Variants in PCNX1 observed in about 807,000 individuals in gnomAD.
The protein encoded by PCNX1 is pecanex-like protein 1.
Under a neutral mutation model 242.2 loss-of-function variants are expected in PCNX1, and 78 were observed. That is an observed-to-expected ratio of 0.32 (90% confidence interval 0.27 to 0.39). PCNX1 has a LOEUF of 0.39. Ranked by LOEUF, PCNX1 falls within the 10% of genes least tolerant of loss-of-function variation. The probability of loss-of-function intolerance (pLI) is 1.00; values close to 1 mark genes in which losing one functional copy is unlikely to be tolerated. For missense variants in PCNX1, 2,581 were observed against 2,856.5 expected (o/e 0.90, Z 2.20); for synonymous variants, 1,024 against 1,032.9 (o/e 0.99, Z 0.17).
Position 71,103,631 on chromosome 14 carries a change from G to C in PCNX1, c.6057G>C (p.Leu2019Phe). 1 of 1,614,094 alleles carries C rather than the reference G, an allele frequency of 6.2e-7. No homozygotes were observed. Among genetic ancestry groups the C allele is most frequent in the Non-Finnish European group, 8.5e-7 (1 of 1,179,998 alleles). ...ACATTCTTGGGGGTCCTATCAGCTT[G>C]GGAAATATCAGGAACTTCATAGTGT... Reference protein sequence around the residue: ...LKDILGGPISLGNIRNFIVST... With the variant: ...LKDILGGPISFGNIRNFIVST... Residue 2019 changes from leucine to phenylalanine, a missense_variant, in exon 32 of 36, where the codon TTG becomes TTC. Transcript: ENST00000304743.
At chr14:71,002,725 G>T (rs1416777420) in intron 8 of PCNX1, among the ~76,000 whole-genome samples, 4 of 152,140 alleles carry the variant, frequency 2.6e-5, no homozygotes, top group Non-Finnish European at 5.9e-5. Context: ...GAATTCCATT[G>T]TATGAGCAGG....
chr14:71,055,609 T>C (rs377260272), intron 25 of PCNX1, 47 bp downstream of exon 25: 1 of 1,146,060 alleles, frequency 8.7e-7, no homozygotes, highest in Non-Finnish European at 1.3e-6. Flanking sequence ...AGGATTTGTT[T>C]TATATATATA....
rs1407541495 is a variant in PCNX1, at chr14:71,047,118, G to A, written c.4160+13G>A. 1 of 1,522,334 alleles carries A rather than the reference G, an allele frequency of 6.6e-7. No homozygotes were observed. The highest frequency in any genetic ancestry group is 1.4e-5 in the African/African-American group (1 of 72,360). 94.3% of individuals were successfully genotyped at this position (1,522,334 alleles called of 1,614,324 possible). ...AACTGAATACAGAGTAAGTATAGTA[G>A]TCTTCTAATATTGTCTGACTACTGG... is the stretch of plus-strand genomic sequence containing the variant. On this transcript the variant is annotated intron_variant, in intron 21 of 35. Transcript: ENST00000304743.
At chr14:70,979,082 A>T (rs745305893) in intron 6 of PCNX1, among the ~76,000 whole-genome samples, 1 of 152,192 alleles carries the variant, frequency 6.6e-6, no homozygotes, top group Non-Finnish European at 1.5e-5. Flanking sequence ...CTATTATATA[A>T]GAGTTTTACA....
intron 26 of PCNX1, among the ~76,000 whole-genome samples, chr14:71,064,769 G>T (rs556017567): frequency 1.6e-4 from 25 of 152,036 alleles, no homozygotes; most frequent in African/African-American, 5.8e-4. Flanking sequence ...CCCTCCCCTG[G>T]CCCCCATCCC....
At position 71,045,122 on chromosome 14, in the gene PCNX1, A is replaced by ATT; in HGVS notation, c.3868-4_3868-3dup. On this transcript the variant is annotated splice_polypyrimidine_tract_variant and intron_variant, in intron 19 of 35. Coordinates refer to ENST00000304743, the MANE Select transcript of PCNX1 (RefSeq NM_014982.3). ...CACTCCTAATTTTATCACTTCTATT[A>ATT]TTTTTTTTAGCCTGCCCTCAAGTAT... The ATT allele has an allele frequency of 6.4e-7, 1 of 1,556,840 alleles. No individual in the cohort carries two copies. Among genetic ancestry groups the ATT allele is most frequent in the Non-Finnish European group, 8.7e-7 (1 of 1,152,486 alleles).
intron 27 of PCNX1, among the ~76,000 whole-genome samples, chr14:71,075,675 C>T (rs981218970): frequency 1.3e-5 from 2 of 152,010 alleles, no homozygotes; most frequent in East Asian, 3.9e-4. Flanking sequence ...GGCGGATGGA[C>T]CACTTGAGGT....
chr14:71,000,690 C>A (rs899357661), intron 8 of PCNX1, among the ~76,000 whole-genome samples: 2 of 152,128 alleles, frequency 1.3e-5, no homozygotes, highest in Non-Finnish European at 1.5e-5. Context: ...CCATGCCTGG[C>A]TAATTTTGTA....
At chr14:70,954,435 A>G (rs186285481) in intron 2 of PCNX1, among the ~76,000 whole-genome samples, 208 of 152,302 alleles carry the variant, frequency 1.4e-3, no homozygotes, top group African/African-American at 4.7e-3. Context: ...GAGAAAGTCT[A>G]TAGGAACTTG....
chr14:70,991,610 G>A lies in PCNX1; in HGVS notation c.2444+2911G>A, dbSNP rs529434112. On this transcript the variant is annotated intron_variant, in intron 7 of 35. Transcript: ENST00000304743. Reference sequence around the variant, plus strand: ...GTTCCAGGATATTCCTAGTACAAAGGTTGCATATATCTTAAATAAGCTGAT... The same window carrying A: ...GTTCCAGGATATTCCTAGTACAAAGATTGCATATATCTTAAATAAGCTGAT... Among the ~76,000 whole-genome samples the A allele has an allele frequency of 2.0e-5, 3 of 152,260 alleles. No individual in the cohort carries two copies. The South Asian group carries it at 6.2e-4, about 32-fold the overall frequency.
intron 26 of PCNX1, among the ~76,000 whole-genome samples, chr14:71,060,157 C>A (rs2061289191): frequency 6.6e-6 from 1 of 152,178 alleles, no homozygotes. Flanking sequence ...TATAATGGAA[C>A]TGAAAAATTC....
intron 33 of PCNX1, among the ~76,000 whole-genome samples, chr14:71,106,006 A>T (rs1396071205): frequency 6.0e-5 from 9 of 150,392 alleles, no homozygotes; most frequent in Non-Finnish European, 1.3e-4. Flanking sequence ...TATAATTTTT[A>T]TTTTTTTTAT....
intron 28 of PCNX1, among the ~76,000 whole-genome samples, chr14:71,081,504 T>G (rs995491945): frequency 1.3e-5 from 2 of 152,158 alleles, no homozygotes; most frequent in African/African-American, 4.8e-5. Context: ...ATCCCGGGCT[T>G]TTTTTGGTTG....
In PCNX1 at chr14:70,910,183, CTCCTCCTCCTCCTCCTCCTCCTCG is replaced by C. The variant is rs1566808840; in HGVS notation, c.153+2204_153+2227del. On this transcript the variant is annotated intron_variant, in intron 1 of 35. Coordinates refer to ENST00000304743, the MANE Select transcript of PCNX1 (RefSeq NM_014982.3). Reference sequence around the variant, plus strand: ...CCTCCTCCTCCTCCTCCTCCTCCTCCTCCTCCTCCTCCTCCTCCTCCTCGTCCTCCTCCTCCTCCTCCTCCTCTC... The same window carrying C: ...CCTCCTCCTCCTCCTCCTCCTCCTCCTCCTCCTCCTCCTCCTCCTCCTCTC... Among the ~76,000 whole-genome samples the C allele has an allele frequency of 2.0e-3, 62 of 30,964 alleles. 4 individuals are homozygous for C. The highest frequency in any genetic ancestry group is 5.6e-3 in the African/African-American group (45 of 8,074). The allele number at this position is 30,964 out of a possible 152,430, so 20.3% of individuals were successfully genotyped here.
Position 71,113,100 on chromosome 14 carries a change from T to C in PCNX1, c.*3165T>C, listed in dbSNP as rs2062785429. ...TCCAAGAATCTAGATTAACATAAGA[T>C]GTTGATATTTAAGGAACTTGGAAGA... On this transcript the variant is annotated 3_prime_UTR_variant, in exon 36 of 36. Transcript: ENST00000304743. 6.6e-6 allele frequency: 1 copy of C among 152,186 alleles called. No homozygotes were observed. Among genetic ancestry groups the C allele is most frequent in the Non-Finnish European group, 1.5e-5 (1 of 68,016 alleles). 9.4% of individuals were successfully genotyped at this position (152,186 alleles called of 1,614,324 possible). A position where few individuals can be genotyped will look rare whatever the true frequency, so the allele number is the denominator to read the frequency against.
chr14:70,993,420 G>A (rs911842340), intron 7 of PCNX1, among the ~76,000 whole-genome samples: 1 of 152,052 alleles, frequency 6.6e-6, no homozygotes, highest in Non-Finnish European at 1.5e-5. Flanking sequence ...GAGCCACCGT[G>A]CCTGGCCAAA....
chr14:70,999,363 G>T (rs1482610790), intron 8 of PCNX1, among the ~76,000 whole-genome samples: 1 of 152,262 alleles, frequency 6.6e-6, no homozygotes, highest in East Asian at 1.9e-4. Context: ...GAAATTAGTG[G>T]TTGGGGTGAG....
Position 70,954,465 on chromosome 14 carries a change from A to C in PCNX1, c.362+7342A>C, listed in dbSNP as rs2057912380. Among the ~76,000 whole-genome samples the C allele has an allele frequency of 2.6e-5, 4 of 152,284 alleles. No individual in the cohort carries two copies. In the South Asian group the frequency reaches 8.3e-4, roughly 32 times the overall value. On this transcript the variant is annotated intron_variant, in intron 2 of 35. Coordinates refer to ENST00000304743, the MANE Select transcript of PCNX1 (RefSeq NM_014982.3). ...AACTTGGTATTTTTATTGGAGCTAC[A>C]CTAAATTTGTAGGTCCCTCTGCTGA... is the stretch of plus-strand genomic sequence containing the variant.
chr14:70,943,762 G>T (rs1005649660), intron 1 of PCNX1, among the ~76,000 whole-genome samples: 2 of 120,500 alleles, frequency 1.7e-5, no homozygotes, highest in Non-Finnish European at 3.4e-5. Context: ...CAGAGGCCTA[G>T]AGGAAAAAAT....
Sources: allele counts gnomAD v4.1 joint callset (sites outside exome capture counted in the v4.1 genomes callset), GRCh38; gene constraint gnomAD v4.1.1; transcripts MANE v1.5; gene names NCBI Gene and HGNC (gene_info 2026-07-23, HGNC 2026-07-21).